The following ST7 variants were observed in gnomAD, a reference collection of about 807,000 sequenced individuals.
The protein encoded by ST7 is suppression of tumorigenicity 7.
A neutral mutation model predicts 78.7 loss-of-function variants in ST7; 28 were observed. That is an observed-to-expected ratio of 0.36 (90% confidence interval 0.26 to 0.49). ST7 has a LOEUF of 0.49. Among genes scored for constraint, ST7 ranks in the 20% least tolerant of loss-of-function variants. ST7 has a pLI of 0.99. For missense variants in ST7, 418 were observed against 696.0 expected (o/e 0.60, Z 4.49); for synonymous variants, 247 against 249.6 (o/e 0.99, Z 0.10).
At chr7:117,142,010 A>G (rs1012564674) in intron 9 of ST7, among the ~76,000 whole-genome samples, 3 of 152,132 alleles carry the variant, frequency 2.0e-5, no homozygotes, top group African/African-American at 7.2e-5. Flanking sequence ...TTCAAAATAA[A>G]AAGTTGCATT....
intron 10 of ST7, among the ~76,000 whole-genome samples, chr7:117,176,868 A>G (rs563335422): frequency 4.9e-4 from 74 of 152,332 alleles, no homozygotes; most frequent in Non-Finnish European, 6.0e-4. Flanking sequence ...ATTTGGCTGC[A>G]TATTAGAAAG....
chr7:117,018,587 G>T (rs893182065), intron 1 of ST7, among the ~76,000 whole-genome samples: 2 of 152,024 alleles, frequency 1.3e-5, no homozygotes, highest in East Asian at 1.9e-4. Flanking sequence ...CAAGAAAGAG[G>T]CATTATCGTA....
chr7:117,064,638 C>T (rs1294173716), intron 1 of ST7, among the ~76,000 whole-genome samples: 4 of 152,130 alleles, frequency 2.6e-5, no homozygotes, highest in Non-Finnish European at 5.9e-5. Flanking sequence ...CTCCTAAAAC[C>T]AATTCTCTTA....
intron 1 of ST7, among the ~76,000 whole-genome samples, chr7:117,078,569 G>A (rs1799525241): frequency 1.3e-5 from 2 of 152,178 alleles, no homozygotes; most frequent in Admixed American, 1.3e-4. Context: ...AAAACCCAGA[G>A]TGAGGCATAG....
rs1422255384 is a variant in ST7 at position 116,987,748 on chromosome 7, G to A, written c.151+34057G>A. Among the ~76,000 whole-genome samples the A allele has an allele frequency of 3.3e-5, 5 of 152,182 alleles. No homozygotes were observed. The East Asian group carries it at 9.6e-4, about 29-fold the overall frequency. On this transcript the variant is annotated intron_variant, in intron 1 of 15. Transcript: ENST00000323984. ...AAACCTTTTTTCTTCTTTTGACACGGAGTCTCACTCTGTTCCCCAGGCTGG... is the reference window on the plus strand; with the variant it reads ...AAACCTTTTTTCTTCTTTTGACACGAAGTCTCACTCTGTTCCCCAGGCTGG...
chr7:117,206,552 C>T (rs1281848490), intron 12 of ST7, among the ~76,000 whole-genome samples: 3 of 152,114 alleles, frequency 2.0e-5, no homozygotes, highest in East Asian at 1.9e-4. Flanking sequence ...TTTGGGGCTG[C>T]GGATGATGTC....
chr7:117,143,806 G>A (rs1805526017), intron 9 of ST7, among the ~76,000 whole-genome samples: 1 of 152,160 alleles, frequency 6.6e-6, no homozygotes, highest in African/African-American at 2.4e-5. Context: ...ACGACTCATT[G>A]TTGCTGTTCT....
At chr7:117,053,064 G>C (rs1470871584) in intron 1 of ST7, among the ~76,000 whole-genome samples, 1 of 152,054 alleles carries the variant, frequency 6.6e-6, no homozygotes. Context: ...ATATTCCATT[G>C]CATGGAATAC....
At chr7:116,960,250 C>T (rs925181693) in intron 1 of ST7, among the ~76,000 whole-genome samples, 7 of 151,866 alleles carry the variant, frequency 4.6e-5, no homozygotes, top group Non-Finnish European at 8.8e-5. Context: ...AGTGCAGGGA[C>T]GGGATCTCAG....
intron 1 of ST7, among the ~76,000 whole-genome samples, chr7:117,094,630 A>T (rs1800884815): frequency 1.3e-5 from 2 of 152,174 alleles, no homozygotes; most frequent in Non-Finnish European, 2.9e-5. Context: ...TGCACATTTC[A>T]TCTCAGCCTC....
chr7:117,001,085 T>C (rs1794912368), intron 1 of ST7, among the ~76,000 whole-genome samples: 1 of 152,184 alleles, frequency 6.6e-6, no homozygotes, highest in African/African-American at 2.4e-5. Context: ...TTGACATTTG[T>C]TTTGAGCAGC....
At chr7:117,021,782 G>A (rs984650987) in intron 1 of ST7, among the ~76,000 whole-genome samples, 2 of 152,136 alleles carry the variant, frequency 1.3e-5, no homozygotes, top group Non-Finnish European at 2.9e-5. Flanking sequence ...TAGAATAATA[G>A]TGACAGGTAA....
chr7:117,214,342 T>G (rs1361512483), intron 13 of ST7, among the ~76,000 whole-genome samples: 1 of 152,128 alleles, frequency 6.6e-6, no homozygotes, highest in Non-Finnish European at 1.5e-5. Context: ...AGGATGGTGT[T>G]TTTTAGGGGA....
At chr7:117,006,779 C>A (rs889957118) in intron 1 of ST7, among the ~76,000 whole-genome samples, 3 of 152,214 alleles carry the variant, frequency 2.0e-5, no homozygotes, top group African/African-American at 4.8e-5. Context: ...CACTTCATGT[C>A]TCTGACTCAC....
chr7:116,980,205 C>T (rs142331259), intron 1 of ST7, among the ~76,000 whole-genome samples: 189 of 152,062 alleles, frequency 1.2e-3, no homozygotes, highest in African/African-American at 4.3e-3. Context: ...ATGATATGCC[C>T]GCCTCGCCTC....
At chr7:117,161,932 GC>G (rs1374044535) in intron 9 of ST7, among the ~76,000 whole-genome samples, 2 of 151,894 alleles carry the variant, frequency 1.3e-5, no homozygotes, top group African/African-American at 4.8e-5. Context: ...CTGTAATATA[GC>G]CCATAAACTA....
intron 1 of ST7, among the ~76,000 whole-genome samples, chr7:116,975,242 A>C (rs1793639949): frequency 6.6e-6 from 1 of 152,080 alleles, no homozygotes; most frequent in Non-Finnish European, 1.5e-5. Context: ...AGATCTCATG[A>C]AACTTATTCA....
chr7:117,229,595 A>G (rs1793661490), intron 15 of ST7, among the ~76,000 whole-genome samples, 167 bp from the exon 16 acceptor site: 1 of 152,216 alleles, frequency 6.6e-6, no homozygotes, highest in Admixed American at 6.5e-5. Context: ...ACTGGAATGC[A>G]GGTTTGACCA....
intron 1 of ST7, among the ~76,000 whole-genome samples, chr7:116,993,275 T>C (rs1262078390): frequency 2.0e-5 from 3 of 152,170 alleles, no homozygotes; most frequent in Non-Finnish European, 4.4e-5. Context: ...GAAAAAGAAG[T>C]TTAATTGGAC....
Sources: allele counts gnomAD v4.1 joint callset (sites outside exome capture counted in the v4.1 genomes callset), GRCh38; gene constraint gnomAD v4.1.1; transcripts MANE v1.5; gene names NCBI Gene and HGNC (gene_info 2026-07-23, HGNC 2026-07-21).